The following SPATA1 variants were observed in gnomAD, a reference collection of about 807,000 sequenced individuals.
SPATA1 encodes the protein spermatogenesis-associated protein 1.
A neutral mutation model predicts 59.6 loss-of-function variants in SPATA1; 57 were observed. The ratio of observed to expected loss-of-function variants is 0.96; its 90% CI spans 0.77 to 1.19. The LOEUF (loss-of-function observed/expected upper bound fraction) is 1.19, where lower values mean the gene tolerates loss of function less well. Among genes scored for constraint, SPATA1 ranks in the 50% most tolerant of loss-of-function variants. The pLI, the probability that SPATA1 is intolerant of heterozygous loss-of-function variation, is 0.00. For missense variants in SPATA1, 448 were observed against 480.7 expected (o/e 0.93, Z 0.64); for synonymous variants, 147 against 163.9 (o/e 0.90, Z 0.79).
chr1:84,526,165 T>A (rs1683215823), intron 6 of SPATA1, 92 bp downstream of exon 6: 1 of 1,045,574 alleles, frequency 9.6e-7, no homozygotes, highest in African/African-American at 1.6e-5. Context: ...AAACCTAGCC[T>A]TACAAATATA....
At chr1:84,516,191 G>A in intron 1 of SPATA1, 32 bp from the exon 2 acceptor site, 1 of 536,230 alleles carries the variant, frequency 1.9e-6, no homozygotes, top group East Asian at 3.5e-5. Context: ...TAATGCTTTT[G>A]TGTTTTCCTT....
chr1:84,518,813 CCTGA>C (rs1184090426), intron 2 of SPATA1, among the ~76,000 whole-genome samples: 1 of 151,760 alleles, frequency 6.6e-6, no homozygotes, highest in African/African-American at 2.4e-5. Context: ...TGAGACCTAC[CCTGA>C]CTATTTAAAA....
At chr1:84,555,178 G>C, downstream of SPATA1, 1 of 1,613,312 alleles carries the variant, frequency 6.2e-7, no homozygotes, top group East Asian at 2.2e-5. Context: ...TACCATACTT[G>C]ATGAAAGTGG....
chr1:84,562,107 CAATT>C (rs372738295), intron 4 of SPATA1, among the ~76,000 whole-genome samples: 1 of 152,258 alleles, frequency 6.6e-6, no homozygotes, highest in African/African-American at 2.4e-5. Flanking sequence ...ATATGTCAAA[CAATT>C]AAACTACCTT....
chr1:84,510,687 T>C (rs540070431), intron 1 of SPATA1, among the ~76,000 whole-genome samples: 1 of 152,272 alleles, frequency 6.6e-6, no homozygotes, highest in Admixed American at 6.5e-5. Flanking sequence ...AAGAAACCAG[T>C]ATATCGAGGT....
At chr1:84,526,905 T>G (rs1683249992) in intron 6 of SPATA1, among the ~76,000 whole-genome samples, 1 of 147,950 alleles carries the variant, frequency 6.8e-6, no homozygotes, top group Non-Finnish European at 1.5e-5. Context: ...TAATTTAAAA[T>G]GTTTAAATAA....
chr1:84,555,031 C>G, downstream of SPATA1: 1 of 1,613,894 alleles, frequency 6.2e-7, no homozygotes, highest in East Asian at 2.2e-5. Context: ...TTTAAGACTT[C>G]CCACATTTCT....
At chr1:84,532,373 G>A (rs1246256) in intron 6 of SPATA1, among the ~76,000 whole-genome samples, 2,743 of 152,278 alleles carry the variant, frequency 0.018, 75 homozygotes, top group African/African-American at 0.061. Flanking sequence ...GCACATGCCT[G>A]TAATCCCAGC....
intron 12 of SPATA1, chr1:84,552,662 GT>G: frequency 4.3e-5 from 7 of 163,124 alleles, no homozygotes; most frequent in South Asian, 1.7e-4. Flanking sequence ...GGAATTAAGG[GT>G]TTTTTTTGTA....
chr1:84,548,402 TTATATATGTTATATG>T (rs1020584778), intron 10 of SPATA1, among the ~76,000 whole-genome samples: 1 of 147,056 alleles, frequency 6.8e-6, no homozygotes, highest in African/African-American at 2.5e-5. Flanking sequence ...ACTTTTATAG[TTATATATGTTATATG>T]TATATATGTT....
chr1:84,558,741 A>C (rs1214427908), downstream of SPATA1, among the ~76,000 whole-genome samples: 1 of 151,958 alleles, frequency 6.6e-6, no homozygotes, highest in Non-Finnish European at 1.5e-5. Context: ...TCTCTACAAA[A>C]AGTAAAAAAA....
At chr1:84,566,380 C>T (rs1684700557), downstream of SPATA1, among the ~76,000 whole-genome samples, 1 of 152,138 alleles carries the variant, frequency 6.6e-6, no homozygotes, top group Non-Finnish European at 1.5e-5. Context: ...TAAAGGCACA[C>T]TAAAAGAATT....
At chr1:84,508,443 A>G (rs1047698360) in intron 1 of SPATA1, among the ~76,000 whole-genome samples, 3 of 152,200 alleles carry the variant, frequency 2.0e-5, no homozygotes, top group Admixed American at 6.5e-5. Flanking sequence ...CATGTTACCA[A>G]CTGTACAGAC....
chr1:84,510,141 T>C (rs564089650), intron 1 of SPATA1, among the ~76,000 whole-genome samples: 1 of 152,246 alleles, frequency 6.6e-6, no homozygotes, highest in Admixed American at 6.5e-5. Flanking sequence ...CACTCCAGCA[T>C]GGGCAACAGA....
intron 1 of SPATA1, among the ~76,000 whole-genome samples, chr1:84,508,825 A>G (rs939323106): frequency 6.6e-6 from 1 of 152,324 alleles, no homozygotes; most frequent in Admixed American, 6.5e-5. Context: ...AATATATACA[A>G]TAGCTACAAA....
At chr1:84,533,572 G>A in intron 7 of SPATA1, 137 bp from the exon 8 acceptor site, 1 of 669,880 alleles carries the variant, frequency 1.5e-6, no homozygotes, top group South Asian at 1.8e-5. Flanking sequence ...AAGAACATAT[G>A]ATAATGGTCT....
chr1:84,544,198 A>T lies in SPATA1; in HGVS notation c.718-4A>T, dbSNP rs778775537. The stretch of plus-strand genomic sequence containing the variant: ...ATCTTACTCATTTTCACGTTTGCTT[A>T]CAGACAGCTGAAAAAGAGTACATCA... On this transcript the variant is annotated splice_region_variant and splice_polypyrimidine_tract_variant and intron_variant, in intron 8 of 12. Transcript: ENST00000490879. The T allele has an allele frequency of 6.3e-7, 1 of 1,577,966 alleles. No homozygotes were observed. The highest frequency in any genetic ancestry group is 8.7e-7 in the Non-Finnish European group (1 of 1,155,102).
At chr1:84,532,379 C>T (rs530933071) in intron 6 of SPATA1, among the ~76,000 whole-genome samples, 13 of 152,214 alleles carry the variant, frequency 8.5e-5, no homozygotes, top group Non-Finnish European at 4.4e-5. Flanking sequence ...GCCTGTAATC[C>T]CAGCTACTTG....
At chr1:84,517,766 A>G (rs1325386593) in intron 2 of SPATA1, among the ~76,000 whole-genome samples, 1 of 152,058 alleles carries the variant, frequency 6.6e-6, no homozygotes, top group East Asian at 1.9e-4. Flanking sequence ...TTTTAAATAT[A>G]TACAAAATCT....
Sources: allele counts gnomAD v4.1 joint callset (sites outside exome capture counted in the v4.1 genomes callset), GRCh38; gene constraint gnomAD v4.1.1; transcripts MANE v1.5; gene names NCBI Gene and HGNC (gene_info 2026-07-23, HGNC 2026-07-21).